AGBL4: variants seen among roughly 807,000 people sequenced by gnomAD.
AGBL4 encodes the protein AGBL carboxypeptidase 4.
AGBL4 carries 58 observed loss-of-function variants against 66.4 expected under a neutral mutation model. The observed-to-expected ratio is 0.87, with a 90% confidence interval of 0.71 to 1.09. AGBL4 has a LOEUF of 1.09. Among genes scored for constraint, AGBL4 ranks in the 50% least tolerant of loss-of-function variants. The pLI, the probability that AGBL4 is intolerant of heterozygous loss-of-function variation, is 0.00. For synonymous variants in AGBL4, 234 were observed against 222.9 expected, an observed-to-expected ratio of 1.05 and a Z score of -0.44; for missense variants, 579 against 631.0, an observed-to-expected ratio of 0.92 and a Z score of 0.88.
At chr1:49,006,767 A>T (rs1198291861) in intron 5 of AGBL4, among the ~76,000 whole-genome samples, 1 of 151,880 alleles carries the variant, frequency 6.6e-6, no homozygotes, top group Non-Finnish European at 1.5e-5. Context: ...GCAGGGGCAC[A>T]CTGACACCTC....
intron 3 of AGBL4, among the ~76,000 whole-genome samples, chr1:49,351,428 C>G (rs1056109634): frequency 6.6e-6 from 1 of 151,820 alleles, no homozygotes; most frequent in Non-Finnish European, 1.5e-5. Flanking sequence ...AGGGAGTATA[C>G]TCTCTGTATA....
chr1:48,772,160 G>A (rs1284428955), intron 6 of AGBL4, among the ~76,000 whole-genome samples: 2 of 152,212 alleles, frequency 1.3e-5, no homozygotes, highest in Non-Finnish European at 2.9e-5. Context: ...GGAGTTCCCT[G>A]TCAGGCAGGA....
At chr1:49,600,691 T>C (rs75004167) in intron 3 of AGBL4, among the ~76,000 whole-genome samples, 9 of 152,220 alleles carry the variant, frequency 5.9e-5, no homozygotes, top group Non-Finnish European at 1.0e-4. Context: ...GTTGATGCAG[T>C]TTCTTCATAG....
chr1:49,603,935 C>T (rs1481802819), intron 3 of AGBL4, among the ~76,000 whole-genome samples: 1 of 12,612 alleles, frequency 7.9e-5, no homozygotes, highest in Non-Finnish European at 1.6e-4. Flanking sequence ...GGTATACACA[C>T]ACACACACAC....
chr1:49,434,109 G>A (rs1309189466), intron 3 of AGBL4, among the ~76,000 whole-genome samples: 2 of 152,192 alleles, frequency 1.3e-5, no homozygotes. Flanking sequence ...GCATATACTT[G>A]GGAGAAACTT....
At chr1:48,728,046 A>G (rs771840208) in intron 6 of AGBL4, 4 of 1,582,954 alleles carry the variant, frequency 2.5e-6, no homozygotes, top group Non-Finnish European at 3.4e-6. Flanking sequence ...CAAACACTCT[A>G]GACGGGGAGA....
intron 6 of AGBL4, among the ~76,000 whole-genome samples, chr1:48,866,966 C>T (rs1464828881): frequency 6.6e-6 from 1 of 152,126 alleles, no homozygotes; most frequent in East Asian, 1.9e-4. Context: ...AGAGTATCAG[C>T]CCTGCCACCC....
At chr1:48,981,727 A>T (rs1441933999) in intron 5 of AGBL4, among the ~76,000 whole-genome samples, 1 of 152,188 alleles carries the variant, frequency 6.6e-6, no homozygotes, top group Admixed American at 6.6e-5. Flanking sequence ...TCTACTAAAA[A>T]TACATAAATT....
chr1:48,739,528 G>A (rs1649582288), intron 6 of AGBL4, among the ~76,000 whole-genome samples: 1 of 152,110 alleles, frequency 6.6e-6, no homozygotes, highest in Admixed American at 6.5e-5. Flanking sequence ...CCAGTGTGCC[G>A]TAACATCAAG....
intron 5 of AGBL4, among the ~76,000 whole-genome samples, chr1:48,970,646 CTATT>C (rs1375935274): frequency 5.3e-5 from 8 of 152,140 alleles, no homozygotes; most frequent in African/African-American, 1.2e-4. Flanking sequence ...TTTCAGAAAA[CTATT>C]TATTTAGGTT....
intron 3 of AGBL4, among the ~76,000 whole-genome samples, chr1:49,250,487 A>G (rs1651964346): frequency 7.3e-6 from 1 of 137,844 alleles, no homozygotes; most frequent in Admixed American, 8.2e-5. Context: ...TTCTGTCGCC[A>G]GGCTGGAGAG....
At chr1:48,879,666 CTTTA>C (rs1416090968) in intron 5 of AGBL4, among the ~76,000 whole-genome samples, 2 of 151,990 alleles carry the variant, frequency 1.3e-5, no homozygotes, top group Non-Finnish European at 2.9e-5. Flanking sequence ...GCAAATAATG[CTTTA>C]TTTATGTTAA....
At chr1:49,239,395 T>C (rs1161304296) in intron 4 of AGBL4, among the ~76,000 whole-genome samples, 1 of 152,082 alleles carries the variant, frequency 6.6e-6, no homozygotes, top group East Asian at 1.9e-4. Flanking sequence ...CTAAAACCTA[T>C]GTGATATTTA....
intron 6 of AGBL4, among the ~76,000 whole-genome samples, chr1:48,827,264 T>C (rs1229865011): frequency 6.6e-6 from 1 of 152,240 alleles, no homozygotes; most frequent in East Asian, 1.9e-4. Context: ...CAGGTCTCGA[T>C]ATAGCCAAGG....
intron 2 of AGBL4, among the ~76,000 whole-genome samples, chr1:49,790,130 G>A (rs1283042763): frequency 6.6e-6 from 1 of 152,130 alleles, no homozygotes; most frequent in Non-Finnish European, 1.5e-5. Flanking sequence ...TGTAATCCCA[G>A]CACTTTGGGA....
At chr1:48,770,195 G>GA (rs1379545589) in intron 6 of AGBL4, among the ~76,000 whole-genome samples, 5 of 152,158 alleles carry the variant, frequency 3.3e-5, no homozygotes, top group African/African-American at 1.2e-4. Context: ...GCAAAACTGA[G>GA]AAAATGAAAA....
chr1:49,320,262 GA>G (rs955772508), intron 3 of AGBL4, among the ~76,000 whole-genome samples: 19 of 149,766 alleles, frequency 1.3e-4, no homozygotes, highest in Admixed American at 2.7e-4. Context: ...GTTTTGAAGG[GA>G]AAAAAAAAAT....
intron 5 of AGBL4, among the ~76,000 whole-genome samples, chr1:48,871,144 T>C (rs1648613540): frequency 1.3e-5 from 2 of 152,152 alleles, no homozygotes; most frequent in South Asian, 4.1e-4. Context: ...AGGGGCATGT[T>C]GGACATAAAG....
chr1:49,153,445 T>C lies in AGBL4; in HGVS notation c.377+92325A>G, dbSNP rs536283820. Among the ~76,000 whole-genome samples the C allele has an allele frequency of 7.9e-5, 12 of 152,058 alleles. No homozygotes were observed. In the South Asian group the frequency reaches 1.9e-3, roughly 24 times the overall value. ...TATCCCTCTTAATGATGAAAAGAAA[T>C]CCAAGGTCAAAGCAAATAAAAGTCA... On this transcript the variant is annotated intron_variant, in intron 4 of 13. Transcript: ENST00000371839.
Sources: gnomAD v4.1 joint callset for allele counts (sites outside exome capture counted in the v4.1 genomes callset) on GRCh38, gnomAD v4.1.1 for gene constraint, MANE v1.5 for transcripts, NCBI Gene and HGNC (gene_info 2026-07-23, HGNC 2026-07-21) for gene names.